The following WDR20 variants were observed in gnomAD, a reference collection of about 807,000 sequenced individuals.
WDR20 encodes WD repeat domain 20, also known as WD repeat-containing protein 20.
WDR20 carries 3 observed loss-of-function variants against 38.7 expected under a neutral mutation model. That is an observed-to-expected ratio of 0.08 (90% CI 0.04 to 0.20). WDR20 has a LOEUF of 0.20. Ranked by LOEUF, WDR20 falls within the 10% of genes least tolerant of loss-of-function variation. WDR20 has a pLI of 1.00. For missense variants in WDR20, 559 were observed against 727.7 expected, an observed-to-expected ratio of 0.77 and a Z score of 2.67; for synonymous variants, 298 against 285.6, an observed-to-expected ratio of 1.04 and a Z score of -0.44.
chr14:102,217,286 T>G (rs1244823025), downstream of WDR20, among the ~76,000 whole-genome samples: 1 of 152,192 alleles, frequency 6.6e-6, no homozygotes, highest in African/African-American at 2.4e-5. Context: ...GGGATCACGA[T>G]GAAGGCCCAC....
downstream of WDR20, chr14:102,224,783 G>GA: frequency 2.2e-6 from 1 of 456,052 alleles, no homozygotes; most frequent in Non-Finnish European, 4.4e-6. Context: ...CATGAACTAT[G>GA]GAGTGAGTCT....
At chr14:102,219,392 C>T (rs1007242962), downstream of WDR20, among the ~76,000 whole-genome samples, 1 of 152,210 alleles carries the variant, frequency 6.6e-6, no homozygotes, top group Non-Finnish European at 1.5e-5. Flanking sequence ...CCCTGCCACC[C>T]GGAGTGCTGT....
chr14:102,179,112 T>C (rs1057358171), intron 1 of WDR20: 2 of 152,150 alleles, frequency 1.3e-5, no homozygotes, highest in Non-Finnish European at 2.9e-5. Context: ...CATGTGGTTT[T>C]ATAATAAATG....
chr14:102,214,042 G>C (rs2062896619), downstream of WDR20: 6 of 985,592 alleles, frequency 6.1e-6, no homozygotes, highest in Non-Finnish European at 7.2e-6. Context: ...GGTGCCGGTG[G>C]ATGGGGGAGG....
intron 1 of WDR20, among the ~76,000 whole-genome samples, chr14:102,180,251 G>T (rs1460677069): frequency 6.6e-6 from 1 of 152,128 alleles, no homozygotes; most frequent in Non-Finnish European, 1.5e-5. Flanking sequence ...ATCCTCGAAC[G>T]CTGCCTGTAG....
Position 102,202,313 on chromosome 14 carries a change from G to A in WDR20, c.433-6290G>A, listed in dbSNP as rs549940254. Among the ~76,000 whole-genome samples, 22 of 151,168 alleles carry A rather than the reference G, an allele frequency of 1.5e-4. No homozygotes were observed. In the South Asian group the frequency reaches 4.4e-3, roughly 30 times the overall value. On this transcript the variant is annotated intron_variant, in intron 2 of 2. Coordinates refer to ENST00000342702, the MANE Select transcript of WDR20 (RefSeq NM_144574.4). Reference sequence around the variant, plus strand: ...CCTGCTCTCCTCATGGCACTTCTGGGTTGTTTGCTTGGATATTCCTTCTGC... The same window carrying A: ...CCTGCTCTCCTCATGGCACTTCTGGATTGTTTGCTTGGATATTCCTTCTGC...
upstream of WDR20, chr14:102,139,477 T>A (rs551381349): frequency 3.8e-5 from 54 of 1,424,788 alleles, no homozygotes; most frequent in African/African-American, 6.4e-4. Context: ...CTTCCTCCGC[T>A]CTTTGGGGTC....
downstream of WDR20, chr14:102,214,658 A>G (rs1025733666): frequency 8.7e-5 from 86 of 984,332 alleles, no homozygotes; most frequent in Middle Eastern, 5.2e-4. Context: ...ATAAAATTGT[A>G]TGGATATTTT....
intron 1 of WDR20, among the ~76,000 whole-genome samples, chr14:102,178,716 G>A (rs555316476): frequency 2.0e-5 from 3 of 151,898 alleles, no homozygotes; most frequent in South Asian, 2.1e-4. Flanking sequence ...ACCTCACAGC[G>A]AACGAAAACT....
At chr14:102,193,597 TC>T in intron 1 of WDR20, 1 of 1,360,710 alleles carries the variant, frequency 7.3e-7, no homozygotes, top group Non-Finnish European at 1.0e-6. Flanking sequence ...ACCGCTCAGG[TC>T]CAGACTTCTA....
chr14:102,143,873 C>T (rs2052495516), intron 1 of WDR20, among the ~76,000 whole-genome samples: 1 of 151,072 alleles, frequency 6.6e-6, no homozygotes, highest in African/African-American at 2.4e-5. Flanking sequence ...CTTTGTTCTC[C>T]TTTTTTAAAA....
chr14:102,224,521 TGA>T, downstream of WDR20: 1 of 450,552 alleles, frequency 2.2e-6, no homozygotes, highest in Non-Finnish European at 4.5e-6. Context: ...CTTTATTTTG[TGA>T]GACTTTAAAC....
chr14:102,165,688 G>A (rs1028157764), intron 1 of WDR20, among the ~76,000 whole-genome samples: 1 of 147,592 alleles, frequency 6.8e-6, no homozygotes, highest in African/African-American at 2.5e-5. Flanking sequence ...TCAGGCTGGA[G>A]TGCAGTGGTT....
At chr14:102,214,754 A>G (rs928257382), downstream of WDR20, 1 of 979,248 alleles carries the variant, frequency 1.0e-6, no homozygotes, top group Non-Finnish European at 1.2e-6. Flanking sequence ...AATTTCATAA[A>G]GAGCCTTCCT....
At chr14:102,186,608 C>T (rs1410310205) in intron 1 of WDR20, among the ~76,000 whole-genome samples, 2 of 152,008 alleles carry the variant, frequency 1.3e-5, no homozygotes, top group Admixed American at 6.6e-5. Flanking sequence ...GGACTGTGGA[C>T]TAATCAATCC....
At chr14:102,188,869 T>G (rs2065552628) in intron 1 of WDR20, among the ~76,000 whole-genome samples, 1 of 104,540 alleles carries the variant, frequency 9.6e-6, no homozygotes, top group African/African-American at 4.4e-5. Context: ...CGAGACCCTG[T>G]TTCAAAAAAA....
At chr14:102,201,451 A>G (rs1415601516) in intron 2 of WDR20, among the ~76,000 whole-genome samples, 5 of 152,230 alleles carry the variant, frequency 3.3e-5, no homozygotes, top group African/African-American at 9.6e-5. Flanking sequence ...TGATGTGGTT[A>G]TAGACTTATT....
downstream of WDR20, chr14:102,212,690 G>T: frequency 6.6e-7 from 1 of 1,503,838 alleles, no homozygotes; most frequent in Non-Finnish European, 8.9e-7. Context: ...GGGAGGGCCT[G>T]GGGAGGGGTG....
rs538261726 is a variant in WDR20 at position 102,178,189 on chromosome 14, C to T, written c.250-16749C>T. On this transcript the variant is annotated intron_variant, in intron 1 of 2. Coordinates refer to ENST00000342702, the MANE Select transcript of WDR20 (RefSeq NM_144574.4). ...GGTGGATCGCTTGAGGTCAGGAGTT[C>T]GAGACTAGTCTGGCTAACATGGTGA... is the stretch of plus-strand genomic sequence containing the variant. 9.9e-5 allele frequency among the ~76,000 whole-genome samples: 15 copies of T among 151,944 alleles called. No homozygotes were observed. In the East Asian group the frequency reaches 1.4e-3, roughly 14 times the overall value.
Sources: gnomAD v4.1 joint callset for allele counts (sites outside exome capture counted in the v4.1 genomes callset) on GRCh38, gnomAD v4.1.1 for gene constraint, MANE v1.5 for transcripts, NCBI Gene and HGNC (gene_info 2026-07-23, HGNC 2026-07-21) for gene names.